FGF14: variants seen among roughly 807,000 people sequenced by gnomAD.
FGF14 encodes the protein fibroblast growth factor 14.
In FGF14, 5 loss-of-function variants were observed where a neutral mutation model predicts 25.5. That is an observed-to-expected ratio of 0.20 (90% CI 0.10 to 0.41). The LOEUF is 0.41. FGF14 is among the 10% of genes least tolerant of loss of function. The pLI is 1.00. For missense variants in FGF14, 222 were observed against 320.1 expected (o/e 0.69, Z 2.34); for synonymous variants, 138 against 118.3 (o/e 1.17, Z -1.08).
At chr13:102,079,491 G>A (rs1001482039) in intron 1 of FGF14, among the ~76,000 whole-genome samples, 1 of 151,806 alleles carries the variant, frequency 6.6e-6, no homozygotes, top group African/African-American at 2.4e-5. Flanking sequence ...CTGTTGCCCA[G>A]GCTATCCTTG....
At chr13:101,865,963 C>T (rs1594534848) in intron 3 of FGF14, among the ~76,000 whole-genome samples, 4 of 152,152 alleles carry the variant, frequency 2.6e-5, no homozygotes, top group Middle Eastern at 6.8e-3. Flanking sequence ...CTGAGCTTGA[C>T]TGGAGCTGTC....
Position 101,946,238 on chromosome 13 carries a change from TC to T in FGF14, c.209-70943del, listed in dbSNP as rs369083513. 4.0e-3 allele frequency among the ~76,000 whole-genome samples: 612 copies of T among 151,996 alleles called. 3 individuals carry two copies. Among genetic ancestry groups the T allele is most frequent in the African/African-American group, 0.014 (579 of 41,450 alleles). ...ACTCCCATGCCTTGGAGCTGACTCT[TC>T]CAGGCAGTTTCCACAGATCTGCAGT... On this transcript the variant is annotated intron_variant, in intron 1 of 4. Coordinates refer to the FGF14 transcript ENST00000376131.
At chr13:101,999,326 G>A (rs2039355737) in intron 1 of FGF14, among the ~76,000 whole-genome samples, 1 of 152,192 alleles carries the variant, frequency 6.6e-6, no homozygotes, top group Admixed American at 6.5e-5. Context: ...TGTAGAGACT[G>A]GGTTAAAGAC....
At chr13:102,175,114 C>CA (rs2048393521) in intron 1 of FGF14, among the ~76,000 whole-genome samples, 2 of 151,926 alleles carry the variant, frequency 1.3e-5, no homozygotes, top group African/African-American at 4.8e-5. Flanking sequence ...CCTGTAGAAC[C>CA]AAAAAACAGC....
chr13:101,850,359 TAGG>T (rs2043702818), intron 3 of FGF14, among the ~76,000 whole-genome samples: 1 of 140,614 alleles, frequency 7.1e-6, no homozygotes, highest in African/African-American at 2.6e-5. Context: ...GAGGCTGAGA[TAGG>T]AGAATCATTC....
rs146600858 is a variant in FGF14, at chr13:101,733,456, G to C, written c.409-6646C>G. On this transcript the variant is annotated intron_variant, in intron 3 of 4. Transcript: ENST00000376143. The stretch of plus-strand genomic sequence containing the variant: ...ATAAAAATACCAAAATTAGCTGGGC[G>C]TAGTGGCACATGCCTGTAGTCCCAG... 2.1e-3 allele frequency among the ~76,000 whole-genome samples: 317 copies of C among 152,052 alleles called. 4 individuals carry two copies. The East Asian group carries it at 0.048, about 23-fold the overall frequency.
chr13:101,737,749 C>A (rs899350974), intron 3 of FGF14, among the ~76,000 whole-genome samples: 1 of 152,070 alleles, frequency 6.6e-6, no homozygotes, highest in Non-Finnish European at 1.5e-5. Flanking sequence ...ACGCTTCTCT[C>A]CTTAGGCCTA....
chr13:101,798,091 GT>G (rs924373827), intron 3 of FGF14, among the ~76,000 whole-genome samples: 3 of 152,058 alleles, frequency 2.0e-5, no homozygotes, highest in East Asian at 1.9e-4. Context: ...AAATGACTCT[GT>G]TTTTTTGTAT....
chr13:102,262,689 G>A (rs1419924155), intron 1 of FGF14, among the ~76,000 whole-genome samples: 1 of 151,850 alleles, frequency 6.6e-6, no homozygotes, highest in African/African-American at 2.4e-5. Flanking sequence ...GTTAGGCAGT[G>A]GATTCTCAAT....
chr13:102,158,915 G>C (rs973287244), intron 1 of FGF14, among the ~76,000 whole-genome samples: 6 of 151,844 alleles, frequency 4.0e-5, no homozygotes, highest in African/African-American at 1.2e-4. Flanking sequence ...GAGGCAGGTG[G>C]ACCACTTGAG....
At chr13:102,077,469 A>C (rs1398359827) in intron 1 of FGF14, among the ~76,000 whole-genome samples, 3 of 152,208 alleles carry the variant, frequency 2.0e-5, no homozygotes, top group African/African-American at 7.2e-5. Flanking sequence ...AAATTCTTAA[A>C]AACAGGTAAA....
chr13:102,046,469 A>C (rs955938575), intron 1 of FGF14, among the ~76,000 whole-genome samples: 3 of 152,188 alleles, frequency 2.0e-5, no homozygotes, highest in Non-Finnish European at 4.4e-5. Context: ...AACCACAAAA[A>C]ACAGGAGTAT....
chr13:101,750,898 A>T (rs1211146287), intron 3 of FGF14, among the ~76,000 whole-genome samples: 1 of 152,194 alleles, frequency 6.6e-6, no homozygotes, highest in African/African-American at 2.4e-5. Context: ...GAGAAACCTT[A>T]AATGCATATT....
At chr13:102,022,243 CA>C (rs1343356862) in intron 1 of FGF14, among the ~76,000 whole-genome samples, 3 of 151,856 alleles carry the variant, frequency 2.0e-5, no homozygotes, top group Non-Finnish European at 4.4e-5. Context: ...ACTGGAACTC[CA>C]AAAAAATGAC....
upstream of FGF14, among the ~76,000 whole-genome samples, chr13:101,919,568 C>T (rs1356740600): frequency 6.6e-6 from 1 of 151,648 alleles, no homozygotes; most frequent in Non-Finnish European, 1.5e-5. Context: ...AGTTTTTGGC[C>T]CTCTCAGAGC....
intron 3 of FGF14, among the ~76,000 whole-genome samples, chr13:101,846,470 T>C (rs2043466101): frequency 1.3e-5 from 2 of 152,074 alleles, no homozygotes; most frequent in Non-Finnish European, 2.9e-5. Flanking sequence ...CTATATTGAC[T>C]ACACCCTCAT....
At chr13:102,386,133 ATTTT>A (rs771550582) in intron 1 of FGF14, among the ~76,000 whole-genome samples, 2 of 139,346 alleles carry the variant, frequency 1.4e-5, no homozygotes, top group African/African-American at 2.7e-5. Context: ...ATATACAGTA[ATTTT>A]TTTTTTTTTT....
At chr13:102,369,180 T>G (rs1050898333) in intron 1 of FGF14, among the ~76,000 whole-genome samples, 2 of 152,202 alleles carry the variant, frequency 1.3e-5, no homozygotes, top group African/African-American at 2.4e-5. Flanking sequence ...ATGTGGTTTT[T>G]CAGCCACATG....
At chr13:101,898,978 T>C (rs1253239504) in intron 1 of FGF14, among the ~76,000 whole-genome samples, 1 of 152,160 alleles carries the variant, frequency 6.6e-6, no homozygotes, top group Non-Finnish European at 1.5e-5. Flanking sequence ...AGCAAAGCTT[T>C]TGGCAATCCA....
Sources: allele counts gnomAD v4.1 joint callset (sites outside exome capture counted in the v4.1 genomes callset), GRCh38; gene constraint gnomAD v4.1.1; transcripts MANE v1.5; gene names NCBI Gene and HGNC (gene_info 2026-07-23, HGNC 2026-07-21).